RB1CC1: variants seen among roughly 807,000 people sequenced by gnomAD.
The protein encoded by RB1CC1 is RB1 inducible coiled-coil 1.
In RB1CC1, 46 loss-of-function variants were observed where a neutral mutation model predicts 177.5. The observed-to-expected ratio is 0.26, with a 90% CI of 0.20 to 0.33. RB1CC1 has a LOEUF of 0.33. Among genes scored for constraint, RB1CC1 ranks in the 10% least tolerant of loss-of-function variants. The pLI is 1.00. For synonymous variants in RB1CC1, 666 were observed against 613.6 expected (o/e 1.09, Z -1.26); for missense variants, 1,703 against 1,816.3 (o/e 0.94, Z 1.13).
intron 18 of RB1CC1, among the ~76,000 whole-genome samples, chr8:52,636,367 A>G (rs1849142901): frequency 6.6e-6 from 1 of 152,114 alleles, no homozygotes; most frequent in Non-Finnish European, 1.5e-5. Flanking sequence ...AATATTTGTG[A>G]GTGAATCCAT....
chr8:52,681,995 G>A (rs1321316980), intron 5 of RB1CC1, among the ~76,000 whole-genome samples: 1 of 152,144 alleles, frequency 6.6e-6, no homozygotes, highest in East Asian at 1.9e-4. Flanking sequence ...TGAGAAGAGG[G>A]TCACGGTCCT....
chr8:52,703,184 G>T (rs1490437737), intron 1 of RB1CC1, among the ~76,000 whole-genome samples: 2 of 151,108 alleles, frequency 1.3e-5, no homozygotes, highest in South Asian at 2.1e-4. Context: ...GTACTCCTTG[G>T]TTCCACATAA....
chr8:52,655,930 A>C, intron 15 of RB1CC1, 78 bp downstream of exon 15: 1 of 1,166,158 alleles, frequency 8.6e-7, no homozygotes, highest in Non-Finnish European at 1.2e-6. Context: ...TAAATGAGTA[A>C]ATCAAGGTAC....
chr8:52,651,813 G>A (rs1327706873), intron 15 of RB1CC1, among the ~76,000 whole-genome samples: 3 of 152,168 alleles, frequency 2.0e-5, no homozygotes, highest in Middle Eastern at 3.2e-3. Context: ...CATTAACTCC[G>A]TGAACTCGTG....
At chr8:52,700,298 T>G (rs1162913298) in intron 1 of RB1CC1, among the ~76,000 whole-genome samples, 1 of 151,750 alleles carries the variant, frequency 6.6e-6, no homozygotes, top group East Asian at 1.9e-4. Context: ...CCAAGGCAGG[T>G]GGATTGCTTG....
chr8:52,642,711 C>T lies in RB1CC1; in HGVS notation c.4089G>A (p.Arg1363=). 1 of 1,576,386 alleles carries T rather than the reference C, an allele frequency of 6.3e-7. No homozygotes were observed. The change falls in exon 17 of 24, where the codon CGG becomes CGA. Residue 1363 remains arginine, a synonymous_variant. Transcript: ENST00000025008. ...GTACAAAACAGTACAAACCTTTATC[C>T]CGTTCTTGTTGCTGCATTGTACTTT... ...KLKSTMQQQE[R]DKDLIESLSE... is the part of the protein sequence containing the mutation.
intron 1 of RB1CC1, among the ~76,000 whole-genome samples, chr8:52,706,699 T>G (rs1856583011): frequency 6.7e-6 from 1 of 149,722 alleles, no homozygotes; most frequent in Admixed American, 6.7e-5. Flanking sequence ...GCCACTGCAC[T>G]CTAGCCTGGG....
intron 18 of RB1CC1, among the ~76,000 whole-genome samples, chr8:52,641,400 A>T (rs886739982): frequency 5.6e-4 from 85 of 150,694 alleles, no homozygotes; most frequent in African/African-American, 2.0e-3. Context: ...AAAAAAAAAA[A>T]AAAATTAAAA....
intron 1 of RB1CC1, among the ~76,000 whole-genome samples, chr8:52,700,093 A>G (rs1020831410): frequency 2.0e-5 from 3 of 151,936 alleles, no homozygotes; most frequent in Non-Finnish European, 4.4e-5. Flanking sequence ...AATTCATGCT[A>G]CACAAAAAAC....
intron 15 of RB1CC1, among the ~76,000 whole-genome samples, chr8:52,648,689 T>A (rs1418966616): frequency 6.6e-6 from 1 of 152,166 alleles, no homozygotes; most frequent in African/African-American, 2.4e-5. Flanking sequence ...TGGTCCTAAC[T>A]TTTGCAGTTT....
In RB1CC1 at chr8:52,657,493, T is replaced by C. The variant is rs770622675; in HGVS notation, c.2336A>G (p.Asp779Gly). Residue 779 changes from aspartate (D) to glycine (G), a missense_variant, in exon 15 of 24, where the codon GAT becomes GGT. Transcript: ENST00000025008. ...INAIDSRRMQ[D>G]TNVCGKEDFG... is the part of the protein sequence containing the mutation. Reference sequence around the variant, plus strand: ...ATCCTCCTTACCACATACATTTGTATCCTGCATTCGTCTACTGTCTATCGC... The same window carrying C: ...ATCCTCCTTACCACATACATTTGTACCCTGCATTCGTCTACTGTCTATCGC... The C allele has an allele frequency of 3.7e-6, 6 of 1,613,864 alleles. No homozygotes were observed. In the South Asian group the frequency reaches 6.6e-5, roughly 18 times the overall value.
At chr8:52,635,580 A>T (rs970687103) in intron 19 of RB1CC1, among the ~76,000 whole-genome samples, 4 of 152,090 alleles carry the variant, frequency 2.6e-5, no homozygotes, top group Non-Finnish European at 4.4e-5. Flanking sequence ...GTCCATTTCA[A>T]TTCTTTATTT....
chr8:52,709,755 A>G (rs1856901956), intron 1 of RB1CC1, among the ~76,000 whole-genome samples: 2 of 152,206 alleles, frequency 1.3e-5, no homozygotes, highest in Non-Finnish European at 1.5e-5. Flanking sequence ...AACAAAAACA[A>G]ACAAACAAAA....
chr8:52,699,103 G>C (rs994418457), intron 1 of RB1CC1, among the ~76,000 whole-genome samples: 1 of 152,040 alleles, frequency 6.6e-6, no homozygotes, highest in Non-Finnish European at 1.5e-5. Context: ...TACTGAATTG[G>C]TAATACTCCA....
chr8:52,675,714 C>CAAAAAA (rs1306544323), intron 6 of RB1CC1, among the ~76,000 whole-genome samples: 4 of 61,280 alleles, frequency 6.5e-5, no homozygotes, highest in African/African-American at 1.4e-4. Flanking sequence ...ACTAAAAATC[C>CAAAAAA]AAAAAAAAAA....
At chr8:52,686,817 T>C (rs143473668) in intron 2 of RB1CC1, 36 bp downstream of exon 2, 15 of 397,886 alleles carry the variant, frequency 3.8e-5, no homozygotes, top group African/African-American at 3.0e-4. Context: ...AGGCAATAGA[T>C]TAAACTCTGC....
In RB1CC1 at chr8:52,661,687, G is replaced by A. The variant is rs1180113855; in HGVS notation, c.1206C>T (p.Asn402=). Residue 402 remains asparagine (N), a synonymous_variant, in exon 9 of 24, where the codon AAC becomes AAT. Transcript: ENST00000025008. The part of the protein sequence containing the change: ...GFLANQKRAE[N]LKDASVLPDL... ...CAGGTAATACAGATGCATCCTTTAAGTTTTCAGCTCTCTTCTGATTAGCTA... is the reference window on the plus strand; with the variant it reads ...CAGGTAATACAGATGCATCCTTTAAATTTTCAGCTCTCTTCTGATTAGCTA... The A allele has an allele frequency of 6.3e-7, 1 of 1,598,268 alleles. No homozygotes were observed. Among genetic ancestry groups the A allele is most frequent in the Non-Finnish European group, 8.5e-7 (1 of 1,174,720 alleles).
chr8:52,658,136 T>C lies in RB1CC1; in HGVS notation c.1794-12A>G, dbSNP rs570936238. 1.2e-6 allele frequency: 2 copies of C among 1,605,092 alleles called. No homozygotes were observed. The highest frequency in any genetic ancestry group is 2.7e-5 in the African/African-American group (2 of 74,398). On this transcript the variant is annotated splice_polypyrimidine_tract_variant and intron_variant, in intron 13 of 23. Transcript: ENST00000025008. ...AAAGTAAGGGAACCCTGAAACAGAATGCAATGCAATTAGACTTCTGATTTT... is the reference window on the plus strand; with the variant it reads ...AAAGTAAGGGAACCCTGAAACAGAACGCAATGCAATTAGACTTCTGATTTT...
chr8:52,682,854 C>T (rs1853883346), intron 5 of RB1CC1, among the ~76,000 whole-genome samples: 2 of 151,986 alleles, frequency 1.3e-5, no homozygotes, highest in South Asian at 4.1e-4. Flanking sequence ...AATGTTGTAT[C>T]CTATGTGAAA....
Sources: gnomAD v4.1 joint callset for allele counts (sites outside exome capture counted in the v4.1 genomes callset) on GRCh38, gnomAD v4.1.1 for gene constraint, MANE v1.5 for transcripts, NCBI Gene and HGNC (gene_info 2026-07-23, HGNC 2026-07-21) for gene names.